Variants in HERC2 observed in about 807,000 individuals in gnomAD.
The protein encoded by HERC2 is E3 ubiquitin-protein ligase HERC2.
In HERC2, 102 loss-of-function variants were observed where a neutral mutation model predicts 537.7. The ratio of observed to expected loss-of-function variants is 0.19; its 90% confidence interval spans 0.16 to 0.22. The LOEUF (loss-of-function observed/expected upper bound fraction) is 0.22, where lower values mean the gene tolerates loss of function less well. Ranked by LOEUF, HERC2 falls within the 10% of genes least tolerant of loss-of-function variation. HERC2 has a pLI of 1.00. For missense variants in HERC2, 4,236 were observed against 6,198.2 expected, an observed-to-expected ratio of 0.68 and a Z score of 10.63; for synonymous variants, 2,224 against 2,466.2, an observed-to-expected ratio of 0.90 and a Z score of 2.91.
intron 35 of HERC2, among the ~76,000 whole-genome samples, chr15:28,226,058 A>T (rs1262776849): frequency 6.6e-6 from 1 of 152,354 alleles, no homozygotes; most frequent in South Asian, 2.1e-4. Context: ...ATATGGGAAC[A>T]CTACCCAGTT....
intron 81 of HERC2, among the ~76,000 whole-genome samples, chr15:28,131,046 C>T (rs966660580): frequency 6.6e-6 from 1 of 152,200 alleles, no homozygotes; most frequent in African/African-American, 2.4e-5. Context: ...ACCCTCCACA[C>T]TGCACACCTG....
chr15:28,250,213 G>A, intron 20 of HERC2, among the ~76,000 whole-genome samples: 1 of 152,174 alleles, frequency 6.6e-6, no homozygotes, highest in Non-Finnish European at 1.5e-5. Context: ...ACTACCAGCA[G>A]CATGAGTAAG....
chr15:28,266,949 TAAATG>T (rs1207443030), intron 12 of HERC2, among the ~76,000 whole-genome samples: 1 of 152,184 alleles, frequency 6.6e-6, no homozygotes, highest in African/African-American at 2.4e-5. Flanking sequence ...ATGTATTTGT[TAAATG>T]AATGTGGATG....
chr15:28,235,500 G>A (rs545199434), intron 26 of HERC2, among the ~76,000 whole-genome samples: 47 of 152,218 alleles, frequency 3.1e-4, no homozygotes, highest in African/African-American at 9.2e-4. Flanking sequence ...TCCACCCAAC[G>A]GGGGGCTGTA....
chr15:28,237,046 C>T lies in HERC2; in HGVS notation c.3920G>A (p.Arg1307Lys), dbSNP rs1902538797. 2 of 1,608,754 alleles carry T rather than the reference C, an allele frequency of 1.2e-6. No homozygotes were observed. The highest frequency in any genetic ancestry group is 1.1e-5 in the South Asian group (1 of 90,922). ...TAATCCGAGAAGCAGGCCCAGATTC[C>T]TCTCTGTGTCTATCAGAGGTGAAGA... ...SLSSPLIDTE[R>K]NLGLLLGLHA... Residue 1307 changes from arginine to lysine, a missense_variant, in exon 26 of 93, where the codon AGG (arginine) becomes AAG (lysine). Physicochemically the swap from Arg to Lys is conservative, Grantham distance 26. Coordinates refer to ENST00000261609, the MANE Select transcript of HERC2 (RefSeq NM_004667.6).
At chr15:28,258,631 CA>C (rs56781260) in intron 16 of HERC2, among the ~76,000 whole-genome samples, 33,600 of 151,438 alleles carry the variant, frequency 0.22, 7,397 homozygotes, top group African/African-American at 0.55. Context: ...TTATCTATTA[CA>C]AAAAAAAGAT....
chr15:28,304,702 ATTTTTT>A (rs780900477), intron 2 of HERC2, among the ~76,000 whole-genome samples: 3 of 108,346 alleles, frequency 2.8e-5, no homozygotes, highest in Non-Finnish European at 4.0e-5. Flanking sequence ...AAGGGCTTCC[ATTTTTT>A]TTTTTTTTTT....
chr15:28,173,939 G>A (rs56743903), intron 65 of HERC2, among the ~76,000 whole-genome samples: 22,353 of 148,000 alleles, frequency 0.15, 2,380 homozygotes, highest in African/African-American at 0.34. Flanking sequence ...GGCCAGAGAG[G>A]AACGCTGGGG....
chr15:28,187,986 G>A (rs1349061651), intron 55 of HERC2, among the ~76,000 whole-genome samples: 4 of 152,066 alleles, frequency 2.6e-5, no homozygotes, highest in African/African-American at 7.2e-5. Flanking sequence ...TTGCCTAAAC[G>A]ACCTGCTCAA....
chr15:28,192,171 AAG>A lies in HERC2; in HGVS notation c.8261-22_8261-21del. 6.3e-7 allele frequency: 1 copy of A among 1,599,820 alleles called. No individual in the cohort carries two copies. The highest frequency in any genetic ancestry group is 8.6e-7 in the Non-Finnish European group (1 of 1,169,272). On this transcript the variant is annotated intron_variant, in intron 52 of 92. Transcript: ENST00000261609. The stretch of plus-strand genomic sequence containing the variant: ...ACTGACCTATTTCGTGATAGTCAAA[AAG>A]AGAATTAACCCTTGCTGAACTGGGG...
chr15:28,148,767 C>T (rs1033966488), intron 70 of HERC2, among the ~76,000 whole-genome samples: 3 of 151,146 alleles, frequency 2.0e-5, no homozygotes, highest in South Asian at 2.1e-4. Context: ...GAAACACATG[C>T]GGCTTCTAAC....
At chr15:28,316,485 A>AT (rs199738357) in intron 2 of HERC2, among the ~76,000 whole-genome samples, 3,089 of 152,160 alleles carry the variant, frequency 0.02, 56 homozygotes, top group Middle Eastern at 0.12. Context: ...ACAAAAAAAA[A>AT]TTTTTTTGCT....
intron 17 of HERC2, 48 bp downstream of exon 17, chr15:28,257,013 C>T (rs1457842705): frequency 2.0e-6 from 3 of 1,503,344 alleles, no homozygotes; most frequent in African/African-American, 2.7e-5. Context: ...TCTTACAAAT[C>T]CCTAAGACAC....
At chr15:28,149,747 C>T (rs1410489756) in intron 70 of HERC2, among the ~76,000 whole-genome samples, 2 of 151,736 alleles carry the variant, frequency 1.3e-5, no homozygotes, top group South Asian at 2.1e-4. Context: ...AAAACACACG[C>T]GACTTCCAAC....
At chr15:28,272,454 A>G (rs1184126130) in intron 8 of HERC2, 68 bp from the exon 9 acceptor site, 35 of 1,358,298 alleles carry the variant, frequency 2.6e-5, no homozygotes, top group Non-Finnish European at 3.4e-5. Context: ...TTGATCAAAA[A>G]TAAAAGCAAA....
intron 5 of HERC2, among the ~76,000 whole-genome samples, chr15:28,276,406 T>A (rs1408057368): frequency 6.6e-6 from 1 of 151,830 alleles, no homozygotes; most frequent in East Asian, 1.9e-4. Flanking sequence ...AAATCTTTGC[T>A]CCTAAATGAG....
At chr15:28,166,292 C>T (rs1439114149) in intron 68 of HERC2, among the ~76,000 whole-genome samples, 3 of 152,038 alleles carry the variant, frequency 2.0e-5, no homozygotes, top group Admixed American at 2.0e-4. Flanking sequence ...CCAAATCTAG[C>T]AACATATAAA....
At chr15:28,299,623 T>A in intron 2 of HERC2, 107 bp from the exon 3 acceptor site, 1 of 633,700 alleles carries the variant, frequency 1.6e-6, no homozygotes, top group Non-Finnish European at 2.9e-6. Context: ...TATTCGATCA[T>A]TTGGTAATAA....
At position 28,256,228 on chromosome 15, in the gene HERC2, C is replaced by G. The variant is rs1186795380; in HGVS notation, c.2607G>C (p.Val869=). The change falls in exon 18 of 93, where the codon GTG becomes GTC. Residue 869 remains valine (V), a synonymous_variant. Coordinates refer to ENST00000261609, the MANE Select transcript of HERC2 (RefSeq NM_004667.6). The stretch of plus-strand genomic sequence containing the variant: ...CGCCCGCACTGCTGGCCAGGGTCAC[C>G]ACCGTCTGCTTCAGGCTGTTCAGGA... ...SILLNSLKQT[V]VTLASSAGVL... is the part of the protein sequence containing the mutation. 2 of 1,599,754 alleles carry G rather than the reference C, an allele frequency of 1.3e-6. No homozygotes were observed. Among genetic ancestry groups the G allele is most frequent in the Non-Finnish European group, 1.7e-6 (2 of 1,179,898 alleles).
Sources: allele counts gnomAD v4.1 joint callset (sites outside exome capture counted in the v4.1 genomes callset), GRCh38; gene constraint gnomAD v4.1.1; transcripts MANE v1.5; gene names NCBI Gene and HGNC (gene_info 2026-07-23, HGNC 2026-07-21).